The following GLIS3 variants were observed in gnomAD, a reference collection of about 807,000 sequenced individuals.
The protein encoded by GLIS3 is GLIS family zinc finger 3.
GLIS3 carries 53 observed loss-of-function variants against 78.6 expected under a neutral mutation model. The ratio of observed to expected loss-of-function variants is 0.67; its 90% CI spans 0.54 to 0.85. GLIS3 has a LOEUF of 0.85. Ranked by LOEUF, GLIS3 falls within the 40% of genes least tolerant of loss-of-function variation. GLIS3 has a pLI of 0.00. For synonymous variants in GLIS3, 684 were observed against 509.9 expected, an observed-to-expected ratio of 1.34 and a Z score of -4.60; for missense variants, 1,703 against 1,231.1, an observed-to-expected ratio of 1.38 and a Z score of -5.74.
upstream of GLIS3, among the ~76,000 whole-genome samples, chr9:4,350,524 C>G (rs578222362): frequency 6.6e-6 from 1 of 152,178 alleles, no homozygotes; most frequent in African/African-American, 2.4e-5. Flanking sequence ...TACTATATCT[C>G]TCTGAAATTT....
chr9:3,859,350 A>AACACACACACAC (rs34973607), intron 8 of GLIS3, among the ~76,000 whole-genome samples: 4 of 148,852 alleles, frequency 2.7e-5, no homozygotes, highest in African/African-American at 7.5e-5. Context: ...GTTTCTTCGA[A>AACACACACACAC]ACACACACAC....
intron 6 of GLIS3, among the ~76,000 whole-genome samples, chr9:3,917,678 T>C (rs1301519678): frequency 1.3e-5 from 2 of 152,096 alleles, no homozygotes; most frequent in African/African-American, 4.8e-5. Context: ...TATTCCTTTA[T>C]TCCCCAGGGC....
In GLIS3 at chr9:4,064,366, T is replaced by C. The variant is rs1455114343; in HGVS notation, c.1710+53402A>G. Reference sequence around the variant, plus strand: ...AAAAATACACAAATCATAGAAGTTATTGATAGCTATGACTACCAAAAATTT... The same window carrying C: ...AAAAATACACAAATCATAGAAGTTACTGATAGCTATGACTACCAAAAATTT... On this transcript the variant is annotated intron_variant, in intron 4 of 10. Transcript: ENST00000381971. Among the ~76,000 whole-genome samples, 4 of 152,180 alleles carry C rather than the reference T, an allele frequency of 2.6e-5. No homozygotes were observed. In the East Asian group the frequency reaches 7.7e-4, roughly 29 times the overall value.
intron 7 of GLIS3, among the ~76,000 whole-genome samples, chr9:3,890,979 A>C (rs1822392599): frequency 6.6e-6 from 1 of 152,046 alleles, no homozygotes; most frequent in Admixed American, 6.6e-5. Flanking sequence ...CAAAATGTAA[A>C]GAAACATATT....
At chr9:3,931,969 T>A (rs1825648792) in intron 6 of GLIS3, among the ~76,000 whole-genome samples, 1 of 152,250 alleles carries the variant, frequency 6.6e-6, no homozygotes, top group Non-Finnish European at 1.5e-5. Context: ...AGCATTTCTT[T>A]CCAGAAGGAT....
At chr9:4,152,538 C>T (rs568103438) in intron 2 of GLIS3, among the ~76,000 whole-genome samples, 1 of 152,284 alleles carries the variant, frequency 6.6e-6, no homozygotes, top group South Asian at 2.1e-4. Context: ...TCAGATTTAT[C>T]ACCACTAAAA....
chr9:4,443,947 T>G, the GLIS3 span, among the ~76,000 whole-genome samples: 2 of 152,212 alleles, frequency 1.3e-5, no homozygotes. Context: ...TGGCCTGGTG[T>G]AGACAGGTTA....
At chr9:4,370,577 C>G in the GLIS3 span, among the ~76,000 whole-genome samples, 1 of 152,088 alleles carries the variant, frequency 6.6e-6, no homozygotes, top group Non-Finnish European at 1.5e-5. Flanking sequence ...AGATCTGAAA[C>G]TGTGCCTCGT....
Position 4,160,180 on chromosome 9 carries a change from T to C in GLIS3, c.389-34239A>G, listed in dbSNP as rs150880279. On this transcript the variant is annotated intron_variant, in intron 2 of 10. Coordinates refer to ENST00000381971, the MANE Select transcript of GLIS3 (RefSeq NM_001042413.2). Reference sequence around the variant, plus strand: ...CTATTTTGCCTCCGCTATTTCTTCCTCATTACAGGCATAGTAGGTGAGAGA... The same window carrying C: ...CTATTTTGCCTCCGCTATTTCTTCCCCATTACAGGCATAGTAGGTGAGAGA... Among the ~76,000 whole-genome samples, 44 of 152,354 alleles carry C rather than the reference T, an allele frequency of 2.9e-4. No homozygotes were observed. In the East Asian group the frequency reaches 6.9e-3, roughly 24 times the overall value.
intron 8 of GLIS3, among the ~76,000 whole-genome samples, chr9:3,877,800 ATTCT>A (rs915284575): frequency 1.3e-5 from 2 of 151,046 alleles, no homozygotes; most frequent in African/African-American, 4.9e-5. Context: ...CTCCTGCAAT[ATTCT>A]TCTCCTTGTT....
intron 2 of GLIS3, among the ~76,000 whole-genome samples, chr9:4,216,289 G>GCT: frequency 6.6e-6 from 1 of 151,810 alleles, no homozygotes; most frequent in Admixed American, 6.6e-5. Flanking sequence ...TGGCTAACAT[G>GCT]GTGAAACCCC....
At chr9:4,005,264 G>C (rs917321170) in intron 4 of GLIS3, among the ~76,000 whole-genome samples, 1 of 152,202 alleles carries the variant, frequency 6.6e-6, no homozygotes, top group African/African-American at 2.4e-5. Flanking sequence ...CATACTCTTT[G>C]TCTAACAATC....
chr9:4,238,397 G>A (rs182586407), intron 2 of GLIS3, among the ~76,000 whole-genome samples: 1 of 152,152 alleles, frequency 6.6e-6, no homozygotes, highest in Non-Finnish European at 1.5e-5. Context: ...GAATGAGAGA[G>A]TCTACCCACA....
chr9:4,481,458 C>T, the GLIS3 span, among the ~76,000 whole-genome samples: 1 of 151,320 alleles, frequency 6.6e-6, no homozygotes, highest in Non-Finnish European at 1.5e-5. Flanking sequence ...CCAGCCTGGG[C>T]AACAGAGCAA....
intron 2 of GLIS3, among the ~76,000 whole-genome samples, chr9:4,213,757 A>C (rs1049439496): frequency 2.0e-5 from 3 of 152,174 alleles, no homozygotes; most frequent in Non-Finnish European, 4.4e-5. Context: ...CATAATATAC[A>C]TGTGCTCTGA....
intron 4 of GLIS3, among the ~76,000 whole-genome samples, chr9:4,062,278 G>C (rs984579288): frequency 7.2e-5 from 11 of 152,162 alleles, no homozygotes; most frequent in African/African-American, 2.4e-4. Flanking sequence ...TGTTGTATAA[G>C]GTGTTCCTTG....
At chr9:4,380,551 G>A in the GLIS3 span, among the ~76,000 whole-genome samples, 1 of 152,152 alleles carries the variant, frequency 6.6e-6, no homozygotes, top group South Asian at 2.1e-4. Context: ...AATCACATAG[G>A]AGAACTTGTT....
At chr9:3,945,079 A>C (rs1816199928) in intron 4 of GLIS3, among the ~76,000 whole-genome samples, 1 of 152,136 alleles carries the variant, frequency 6.6e-6, no homozygotes, top group Non-Finnish European at 1.5e-5. Context: ...TAAAAATCTA[A>C]CCACTTTTTA....
At chr9:4,057,177 G>A (rs1390858467) in intron 4 of GLIS3, among the ~76,000 whole-genome samples, 1 of 152,084 alleles carries the variant, frequency 6.6e-6, no homozygotes, top group African/African-American at 2.4e-5. Flanking sequence ...TTCCAGGGCT[G>A]GCTTCATGGG....
Sources: gnomAD v4.1 joint callset for allele counts (sites outside exome capture counted in the v4.1 genomes callset) on GRCh38, gnomAD v4.1.1 for gene constraint, MANE v1.5 for transcripts, NCBI Gene and HGNC (gene_info 2026-07-23, HGNC 2026-07-21) for gene names.